Variants in LPA observed in about 807,000 individuals in gnomAD.
LPA encodes lipoprotein(a).
In LPA, 199 loss-of-function variants were observed where a neutral mutation model predicts 197.9. The observed-to-expected ratio is 1.01, with a 90% CI of 0.90 to 1.13. The LOEUF (loss-of-function observed/expected upper bound fraction) is 1.13, where lower values mean the gene tolerates loss of function less well. Ranked by LOEUF, LPA falls within the 50% of genes most tolerant of loss-of-function variation. The pLI is 0.00. For synonymous variants in LPA, 715 were observed against 639.5 expected (o/e 1.12, Z -1.78); for missense variants, 1,853 against 1,785.8 (o/e 1.04, Z -0.68).
At chr6:160,654,966 G>C (rs547754340) in intron 1 of LPA, among the ~76,000 whole-genome samples, 2 of 152,254 alleles carry the variant, frequency 1.3e-5, no homozygotes, top group South Asian at 2.1e-4. Context: ...GGCTGGGGGA[G>C]GGAAGGCAGG....
intron 28 of LPA, among the ~76,000 whole-genome samples, chr6:160,558,208 T>G (rs947798925): frequency 6.6e-6 from 1 of 152,134 alleles, no homozygotes; most frequent in Non-Finnish European, 1.5e-5. Flanking sequence ...TGTGAGCCAC[T>G]GCGCCTGGCC....
intron 1 of LPA, among the ~76,000 whole-genome samples, chr6:160,652,074 C>T (rs1289126558): frequency 7.1e-6 from 1 of 140,978 alleles, no homozygotes; most frequent in Non-Finnish European, 1.5e-5. Context: ...AATGATCTAA[C>T]ATTTGAATAC....
chr6:160,574,287 G>A (rs1389614473), intron 28 of LPA, among the ~76,000 whole-genome samples: 1 of 152,046 alleles, frequency 6.6e-6, no homozygotes, highest in Non-Finnish European at 1.5e-5. Context: ...TTTCCAGGTG[G>A]GGGGAAAGTC....
At chr6:160,548,021 G>A (rs1778103454) in intron 31 of LPA, 84 bp from the exon 32 acceptor site, 1 of 1,423,386 alleles carries the variant, frequency 7.0e-7, no homozygotes, top group Non-Finnish European at 9.8e-7. Flanking sequence ...AATCAATGCA[G>A]TCATGTCAGG....
At chr6:160,659,914 A>G (rs1191444853) in intron 1 of LPA, among the ~76,000 whole-genome samples, 1 of 152,228 alleles carries the variant, frequency 6.6e-6, no homozygotes, top group African/African-American at 2.4e-5. Context: ...AAGAAAGTAC[A>G]ACGGGTACGG....
chr6:160,650,550 A>G (rs1331064285), intron 1 of LPA, 53 bp from the exon 2 acceptor site: 13 of 1,564,052 alleles, frequency 8.3e-6, no homozygotes, highest in Non-Finnish European at 1.1e-5. Context: ...ACAGAAAAAA[A>G]TGTGAAGTCA....
At chr6:160,658,135 A>G (rs891011201) in intron 1 of LPA, among the ~76,000 whole-genome samples, 5 of 152,050 alleles carry the variant, frequency 3.3e-5, no homozygotes, top group African/African-American at 9.7e-5. Flanking sequence ...CAGGGAGGGG[A>G]TGTTACCACT....
intron 37 of LPA, among the ~76,000 whole-genome samples, chr6:160,534,129 C>T (rs1777848090): frequency 6.6e-6 from 1 of 152,128 alleles, no homozygotes; most frequent in South Asian, 2.1e-4. Flanking sequence ...ACATGAGCAG[C>T]GTGGAAGAGT....
At chr6:160,539,894 G>T in intron 36 of LPA, 149 bp downstream of exon 36, 1 of 1,049,738 alleles carries the variant, frequency 9.5e-7, no homozygotes, top group Non-Finnish European at 1.5e-6. Context: ...GGCTGGGGTT[G>T]AAGATTGATG....
chr6:160,654,067 A>ATAT (rs1780082308), intron 1 of LPA, among the ~76,000 whole-genome samples: 1 of 34,746 alleles, frequency 2.9e-5, no homozygotes, highest in Non-Finnish European at 4.9e-5. Flanking sequence ...TATATATATT[A>ATAT]TATATAATAT....
At chr6:160,660,390 G>C (rs1423491276) in intron 1 of LPA, among the ~76,000 whole-genome samples, 1 of 152,108 alleles carries the variant, frequency 6.6e-6, no homozygotes, top group Non-Finnish European at 1.5e-5. Flanking sequence ...AGATTCTCCA[G>C]ACCTCCATTC....
At chr6:160,655,296 T>A (rs1582903833) in intron 1 of LPA, among the ~76,000 whole-genome samples, 1 of 151,988 alleles carries the variant, frequency 6.6e-6, no homozygotes, top group Non-Finnish European at 1.5e-5. Flanking sequence ...ATCCTAGAGG[T>A]CTCCACTGTG....
At position 160,578,558 on chromosome 6, in the gene LPA, G is replaced by A. The variant is rs748735983; in HGVS notation, c.4436C>T (p.Ala1479Val). 3.1e-6 allele frequency: 5 copies of A among 1,613,884 alleles called. No individual in the cohort carries two copies. Among genetic ancestry groups the A allele is most frequent in the Admixed American group, 1.7e-5 (1 of 60,012 alleles). The change falls in exon 27 of 39, where the codon GCC becomes GTC. Residue 1479 changes from alanine to valine, a missense_variant. This residue lies in a region of LPA where 1,737 missense variants were observed against 1,504.4 expected (regional missense o/e 1.15). Transcript: ENST00000316300. ...AGGAGCCTCTGTGCTTGGAACCGGG[G>A]CCACTGTGGGAGTTGTGAGGACACT... ...ESSVLTTPTV[A>V]PVPSTEAPSE...
intron 16 of LPA, among the ~76,000 whole-genome samples, chr6:160,610,624 T>C (rs1250485474): frequency 5.3e-5 from 8 of 152,176 alleles, no homozygotes; most frequent in Admixed American, 5.2e-4. Context: ...AGGAGACTTC[T>C]ATGCGTATTT....
intron 33 of LPA, 117 bp from the exon 34 acceptor site, chr6:160,542,925 G>C (rs1250871813): frequency 7.1e-6 from 10 of 1,414,484 alleles, no homozygotes; most frequent in Non-Finnish European, 9.9e-6. Context: ...AAATTAAATG[G>C]TAAAATCATA....
intron 16 of LPA, among the ~76,000 whole-genome samples, chr6:160,610,936 G>C (rs1202753046): frequency 1.3e-5 from 2 of 152,056 alleles, no homozygotes; most frequent in African/African-American, 4.8e-5. Context: ...ATTGGCCATG[G>C]GGTGGTCAGA....
At chr6:160,540,219 T>C in intron 35 of LPA, 36 bp from the exon 36 acceptor site, 1 of 1,613,756 alleles carries the variant, frequency 6.2e-7, no homozygotes, top group South Asian at 1.1e-5. Context: ...AAAAATATGG[T>C]CCAGCCCCTT....
chr6:160,581,385 C>A (rs1048000718), intron 26 of LPA, among the ~76,000 whole-genome samples: 1 of 152,086 alleles, frequency 6.6e-6, no homozygotes, highest in Non-Finnish European at 1.5e-5. Flanking sequence ...TTTCAGCCTC[C>A]ACCTCATGGG....
At chr6:160,542,556 A>AT in intron 34 of LPA, 132 bp downstream of exon 34, 1 of 1,388,618 alleles carries the variant, frequency 7.2e-7, no homozygotes, top group Non-Finnish European at 9.7e-7. Flanking sequence ...ATTTTTCTAT[A>AT]TTTTTTCCTC....
Sources: gnomAD v4.1 joint callset for allele counts (sites outside exome capture counted in the v4.1 genomes callset) on GRCh38, gnomAD v4.1.1 for gene constraint, gnomAD v4.1.1 regional missense constraint, MANE v1.5 for transcripts, NCBI Gene and HGNC (gene_info 2026-07-23, HGNC 2026-07-21) for gene names.